AMELX: variants seen among roughly 807,000 people sequenced by gnomAD.
AMELX encodes the protein amelogenin, X isoform.
In AMELX, 9 loss-of-function variants were observed where a neutral mutation model predicts 15.8. The observed-to-expected ratio is 0.57, with a 90% CI of 0.34 to 0.99. The LOEUF (loss-of-function observed/expected upper bound fraction) is 0.99, where lower values mean the gene tolerates loss of function less well. AMELX is among the 50% of genes least tolerant of loss of function. AMELX has a pLI of 0.02. For synonymous variants in AMELX, 61 were observed against 58.8 expected (o/e 1.04, Z -0.17); for missense variants, 107 against 156.2 (o/e 0.68, Z 1.68).
chrX:11,300,350 G>A (rs752351967), intron 5 of AMELX, among the ~76,000 whole-genome samples: 2 of 111,162 alleles, frequency 1.8e-5, no homozygotes, highest in Non-Finnish European at 3.8e-5. Context: ...CATGCAAGAC[G>A]TACCCCCCAA....
intron 3 of AMELX, among the ~76,000 whole-genome samples, chrX:11,297,811 G>A (rs1569291063): frequency 8.9e-6 from 1 of 111,773 alleles, no homozygotes; most frequent in Admixed American, 9.4e-5. Context: ...TGACATCAAA[G>A]AAAAAAATGA....
chrX:11,299,751 T>C (rs1423653771), intron 5 of AMELX, among the ~76,000 whole-genome samples: 1 of 111,840 alleles, frequency 8.9e-6, no homozygotes, highest in African/African-American at 3.2e-5. Context: ...TATTGATGAT[T>C]TGCTACTGAG....
In AMELX at chrX:11,298,229, T is replaced by A; in HGVS notation, c.103-7T>A. 1.7e-6 allele frequency: 2 copies of A among 1,211,525 alleles called. No homozygotes were observed. Among genetic ancestry groups the A allele is most frequent in the Non-Finnish European group, 2.2e-6 (2 of 895,128 alleles). On this transcript the variant is annotated splice_polypyrimidine_tract_variant and splice_region_variant and intron_variant, in intron 3 of 5. Coordinates refer to ENST00000380714, the MANE Select transcript of AMELX (RefSeq NM_001142.2). ...TCAAATGGGTTCTAATATCTTTTTC[T>A]CTTAAGGTGCTTACCCCTTTGAAGT...
chrX:11,298,973 G>C lies in AMELX; in HGVS notation c.570G>C (p.Val190=), dbSNP rs779785692. The C allele has an allele frequency of 3.5e-5, 42 of 1,208,800 alleles. No individual in the cohort carries two copies. In the Admixed American group the frequency reaches 9.0e-4, roughly 26 times the overall value. ...PSTDKTKREE[V]D ...CAGACAAGACCAAGCGGGAGGAAGT[G>C]GTGAGTATATTTTGAAGCCACTACA... The change falls in exon 5 of 6, where the codon GTG becomes GTC. Residue 190 remains valine, a splice_region_variant and synonymous_variant. Transcript: ENST00000380714.
downstream of AMELX, among the ~76,000 whole-genome samples, chrX:11,301,451 T>C (rs1294793132): frequency 8.9e-6 from 1 of 111,885 alleles, no homozygotes; most frequent in Non-Finnish European, 1.9e-5. Context: ...CCTTTTTTCT[T>C]CCTACACCCA....
chrX:11,295,519 G>A (rs1400571872), intron 2 of AMELX, among the ~76,000 whole-genome samples: 1 of 111,492 alleles, frequency 9.0e-6, no homozygotes, highest in Non-Finnish European at 1.9e-5. Context: ...TAAGGGCAGA[G>A]AACTTAGATC....
chrX:11,293,730 G>A (rs996230431), intron 1 of AMELX, among the ~76,000 whole-genome samples: 3 of 111,491 alleles, frequency 2.7e-5, no homozygotes, highest in Admixed American at 1.9e-4. Context: ...ATTAATTATC[G>A]ATTAAAGTAA....
At chrX:11,294,687 A>G (rs2048051507) in intron 1 of AMELX, 90 bp from the exon 2 acceptor site, 7 of 940,438 alleles carry the variant, frequency 7.4e-6, no homozygotes, top group Middle Eastern at 6.2e-4. Flanking sequence ...CTAGCAATAG[A>G]CTAATGTAGA....
chrX:11,301,836 G>T (rs1483420179), downstream of AMELX, among the ~76,000 whole-genome samples: 1 of 111,755 alleles, frequency 8.9e-6, no homozygotes, highest in Non-Finnish European at 1.9e-5. Context: ...AGGCCAAATG[G>T]TATTAATACT....
intron 2 of AMELX, 148 bp downstream of exon 2, chrX:11,294,990 C>A (rs964053448): frequency 4.4e-6 from 3 of 678,210 alleles, no homozygotes; most frequent in Non-Finnish European, 6.9e-6. Flanking sequence ...ACTTCAGGAG[C>A]TTGTTTTAAA....
intron 1 of AMELX, 137 bp from the exon 2 acceptor site, chrX:11,294,640 T>C: frequency 1.5e-6 from 1 of 670,208 alleles, no homozygotes; most frequent in Non-Finnish European, 2.4e-6. Context: ...CACATATGAC[T>C]GAAGTAAATT....
chrX:11,298,322 G>T, intron 4 of AMELX, 45 bp downstream of exon 4: 1 of 1,168,413 alleles, frequency 8.6e-7, no homozygotes, highest in African/African-American at 1.8e-5. Context: ...TATTAGGCAT[G>T]CATTAAAATT....
intron 2 of AMELX, among the ~76,000 whole-genome samples, chrX:11,295,263 C>T (rs763211971): frequency 9.0e-6 from 1 of 111,351 alleles, no homozygotes; most frequent in African/African-American, 3.3e-5. Context: ...GATTCCAAAT[C>T]TCTTCCTGCC....
the AMELX span, among the ~76,000 whole-genome samples, chrX:11,307,759 T>C: frequency 8.9e-6 from 1 of 112,200 alleles, no homozygotes; most frequent in Non-Finnish European, 1.9e-5. Flanking sequence ...AGCAATGGGA[T>C]TTACTGCTTT....
chrX:11,309,352 A>G, the AMELX span, among the ~76,000 whole-genome samples: 1 of 110,749 alleles, frequency 9.0e-6, no homozygotes, highest in African/African-American at 3.3e-5. Context: ...AGAAGGAGAC[A>G]GGAGGCAGGG....
intron 1 of AMELX, among the ~76,000 whole-genome samples, chrX:11,293,749 C>T (rs1166086767): frequency 1.8e-5 from 2 of 111,714 alleles, no homozygotes; most frequent in East Asian, 5.6e-4. Flanking sequence ...AAAAATAATA[C>T]ATTCACAGGC....
Position 11,298,723 on chromosome X carries a change from A to T in AMELX, c.320A>T (p.His107Leu), listed in dbSNP as rs2048126257. 1 of 1,206,762 alleles carries T rather than the reference A, an allele frequency of 8.3e-7. No individual in the cohort carries two copies. The highest frequency in any genetic ancestry group is 2.2e-5 in the Admixed American group (1 of 45,361). ...CCAATGATGCCCGTTCCTGGCCAAC[A>T]CTCCATGACTCCAATCCAACACCAC... ...QQPMMPVPGQ[H>L]SMTPIQHHQP... The change falls in exon 5 of 6, where the codon CAC becomes CTC. Residue 107 changes from histidine (H) to leucine (L), a missense_variant. Transcript: ENST00000380714.
rs2048162070 is a variant in AMELX, at chrX:11,300,693, T to A, written c.*81T>A. ...AGAACACAATGATTTTTGCTTATAA[T>A]CACTTTACTTAGCAAATTCTGTAAC... On this transcript the variant is annotated 3_prime_UTR_variant, in exon 6 of 6. Transcript: ENST00000380714. 2 of 953,075 alleles carry A rather than the reference T, an allele frequency of 2.1e-6. No homozygotes were observed. Among genetic ancestry groups the A allele is most frequent in the Admixed American group, 4.7e-5 (2 of 42,458 alleles). 78.5% of individuals were successfully genotyped at this position (953,075 alleles called of 1,213,427 possible). A position where few individuals can be genotyped will look rare whatever the true frequency, so the allele number is the denominator to read the frequency against.
chrX:11,294,926 G>A (rs2048056179), intron 2 of AMELX, 84 bp downstream of exon 2: 1 of 1,011,418 alleles, frequency 9.9e-7, no homozygotes, highest in African/African-American at 1.9e-5. Flanking sequence ...GTGAAATTAG[G>A]GTTTAAAACA....
Sources: gnomAD v4.1 joint callset for allele counts (sites outside exome capture counted in the v4.1 genomes callset) on GRCh38, gnomAD v4.1.1 for gene constraint, MANE v1.5 for transcripts, NCBI Gene and HGNC (gene_info 2026-07-23, HGNC 2026-07-21) for gene names.